The following NPEPPS variants were observed in gnomAD, a reference collection of about 807,000 sequenced individuals.
NPEPPS encodes puromycin-sensitive aminopeptidase.
A neutral mutation model predicts 115.5 loss-of-function variants in NPEPPS; 14 were observed. The observed-to-expected ratio is 0.12, with a 90% CI of 0.08 to 0.19. NPEPPS has a LOEUF of 0.19. Ranked by LOEUF, NPEPPS falls within the 10% of genes least tolerant of loss-of-function variation. The probability of loss-of-function intolerance (pLI) is 1.00; values close to 1 mark genes in which losing one functional copy is unlikely to be tolerated. For synonymous variants in NPEPPS, 285 were observed against 390.6 expected, an observed-to-expected ratio of 0.73 and a Z score of 3.19; for missense variants, 523 against 1,110.8, an observed-to-expected ratio of 0.47 and a Z score of 7.52.
intron 1 of NPEPPS, among the ~76,000 whole-genome samples, chr17:47,532,848 A>G (rs983765466): frequency 6.6e-6 from 1 of 152,180 alleles, no homozygotes; most frequent in Non-Finnish European, 1.5e-5. Flanking sequence ...AACATCCTGC[A>G]CAATAGGCAT....
rs1162069097 is a variant in NPEPPS at position 47,601,756 on chromosome 17, A to C, written c.1740+9A>C. The stretch of plus-strand genomic sequence containing the variant: ...CAGACCAATGGGTGAAGGTGAGTTC[A>C]GAATCTTACCTAAACAGATTTCTCT... On this transcript the variant is annotated intron_variant, in intron 15 of 22. Transcript: ENST00000322157. 2 of 1,612,816 alleles carry C rather than the reference A, an allele frequency of 1.2e-6. No individual in the cohort carries two copies. The highest frequency in any genetic ancestry group is 2.2e-5 in the East Asian group (1 of 44,826).
intron 15 of NPEPPS, among the ~76,000 whole-genome samples, chr17:47,603,187 G>A (rs536373075): frequency 4.3e-4 from 66 of 152,208 alleles, no homozygotes; most frequent in African/African-American, 1.4e-3. Flanking sequence ...GAGGCGCGGC[G>A]GATCACCTGA....
chr17:47,544,770 A>G (rs1013948415), intron 1 of NPEPPS, among the ~76,000 whole-genome samples: 3 of 139,486 alleles, frequency 2.2e-5, no homozygotes, highest in African/African-American at 5.4e-5. Flanking sequence ...CTGCAGTGCA[A>G]TGGTGCGATC....
chr17:47,609,136 A>C (rs1394683424), intron 17 of NPEPPS, among the ~76,000 whole-genome samples: 1 of 151,910 alleles, frequency 6.6e-6, no homozygotes, highest in Admixed American at 6.5e-5. Flanking sequence ...ATGCGGTAGT[A>C]ATATGCTCAG....
intron 1 of NPEPPS, among the ~76,000 whole-genome samples, chr17:47,523,981 C>A (rs930125686): frequency 1.4e-5 from 2 of 143,736 alleles, no homozygotes; most frequent in Non-Finnish European, 3.0e-5. Context: ...TTTTTCCTTT[C>A]TTTTCTTTCT....
At chr17:47,576,569 A>C (rs1911537652) in intron 3 of NPEPPS, among the ~76,000 whole-genome samples, 1 of 152,230 alleles carries the variant, frequency 6.6e-6, no homozygotes, top group African/African-American at 2.4e-5. Flanking sequence ...CTTTATTTTT[A>C]TAGCATTTAG....
At chr17:47,558,432 C>A (rs1417483514) in intron 2 of NPEPPS, among the ~76,000 whole-genome samples, 2 of 146,640 alleles carry the variant, frequency 1.4e-5, no homozygotes, top group East Asian at 4.2e-4. Context: ...CTGGCCCATC[C>A]CCCACTTTTT....
intron 1 of NPEPPS, among the ~76,000 whole-genome samples, chr17:47,539,559 T>G (rs1195031687): frequency 1.3e-5 from 2 of 152,140 alleles, no homozygotes; most frequent in Non-Finnish European, 2.9e-5. Context: ...CAGATATCAC[T>G]AAAGCCCATT....
chr17:47,614,209 T>TA (rs1414422991), intron 19 of NPEPPS, among the ~76,000 whole-genome samples: 1 of 152,130 alleles, frequency 6.6e-6, no homozygotes, highest in East Asian at 1.9e-4. Flanking sequence ...GGTCAAGTGA[T>TA]ACACCCACCT....
intron 10 of NPEPPS, chr17:47,591,742 G>A (rs1912518362): frequency 2.3e-6 from 1 of 441,872 alleles, no homozygotes; most frequent in Non-Finnish European, 4.1e-6. Context: ...GCCAGGACTG[G>A]AACCCAGGCT....
intron 2 of NPEPPS, among the ~76,000 whole-genome samples, chr17:47,567,640 A>G (rs1330548105): frequency 1.3e-5 from 2 of 152,088 alleles, no homozygotes; most frequent in African/African-American, 4.8e-5. Context: ...TACAGCCATC[A>G]TCACAATCAA....
intron 1 of NPEPPS, among the ~76,000 whole-genome samples, chr17:47,523,611 T>C (rs2611937): frequency 1.4e-3 from 208 of 151,824 alleles, no homozygotes; most frequent in African/African-American, 4.7e-3. Flanking sequence ...CTAGTAGAAA[T>C]GGGGTTTCAC....
chr17:47,544,872 C>T (rs1177352305), intron 1 of NPEPPS, among the ~76,000 whole-genome samples: 1 of 148,830 alleles, frequency 6.7e-6, no homozygotes, highest in Non-Finnish European at 1.5e-5. Flanking sequence ...GCCACCAGAC[C>T]TGGCTAATTT....
At chr17:47,543,100 G>A (rs1018331052) in intron 1 of NPEPPS, among the ~76,000 whole-genome samples, 25 of 145,878 alleles carry the variant, frequency 1.7e-4, no homozygotes, top group African/African-American at 5.9e-4. Flanking sequence ...TCGCAAGATC[G>A]CATCATTGGC....
chr17:47,576,006 T>G (rs1376889221), intron 3 of NPEPPS, among the ~76,000 whole-genome samples: 2 of 152,188 alleles, frequency 1.3e-5, no homozygotes, highest in African/African-American at 4.8e-5. Flanking sequence ...CAAGACGGAT[T>G]GCACAAGTGA....
chr17:47,571,488 G>A (rs1179253704), intron 3 of NPEPPS, among the ~76,000 whole-genome samples: 1 of 152,240 alleles, frequency 6.6e-6, no homozygotes, highest in Non-Finnish European at 1.5e-5. Context: ...GGAGGCCGAG[G>A]CGGGTGGATC....
intron 1 of NPEPPS, among the ~76,000 whole-genome samples, chr17:47,524,355 A>T (rs1453654472): frequency 6.6e-6 from 1 of 151,456 alleles, no homozygotes; most frequent in East Asian, 1.9e-4. Flanking sequence ...ACAGGATTTC[A>T]CTCTGTTGCC....
chr17:47,528,301 A>C (rs1240028804), upstream of NPEPPS, among the ~76,000 whole-genome samples: 1 of 149,776 alleles, frequency 6.7e-6, no homozygotes, highest in Non-Finnish European at 1.5e-5. Flanking sequence ...ACTCCAGCTC[A>C]AAAAAAAAAT....
At chr17:47,534,339 A>G (rs1908036893) in intron 1 of NPEPPS, among the ~76,000 whole-genome samples, 2 of 152,104 alleles carry the variant, frequency 1.3e-5, no homozygotes, top group East Asian at 3.9e-4. Flanking sequence ...TTGGCCTCCT[A>G]AAGAGCTGGG....
Sources: gnomAD v4.1 joint callset for allele counts (sites outside exome capture counted in the v4.1 genomes callset) on GRCh38, gnomAD v4.1.1 for gene constraint, MANE v1.5 for transcripts, NCBI Gene and HGNC (gene_info 2026-07-23, HGNC 2026-07-21) for gene names.